Variants in COL4A1 observed in about 807,000 individuals in gnomAD.
COL4A1 encodes collagen alpha-1(IV) chain.
In COL4A1, 40 loss-of-function variants were observed where a neutral mutation model predicts 216.6. The ratio of observed to expected loss-of-function variants is 0.18; its 90% CI spans 0.14 to 0.24. The LOEUF (loss-of-function observed/expected upper bound fraction) is 0.24. Ranked by LOEUF, COL4A1 falls within the 10% of genes least tolerant of loss-of-function variation. The pLI, the probability that COL4A1 is intolerant of heterozygous loss-of-function variation, is 1.00. For synonymous variants in COL4A1, 839 were observed against 810.7 expected (o/e 1.03, Z -0.59); for missense variants, 1,628 against 2,196.8 (o/e 0.74, Z 5.18).
chr13:110,151,687 T>C (rs1299528777), intron 51 of COL4A1, among the ~76,000 whole-genome samples: 1 of 152,200 alleles, frequency 6.6e-6, no homozygotes, highest in Non-Finnish European at 1.5e-5. Context: ...CCTCCTGCAT[T>C]GGCTCCAGCG....
chr13:110,239,675 G>C (rs7995873), intron 2 of COL4A1, among the ~76,000 whole-genome samples: 2 of 151,998 alleles, frequency 1.3e-5, no homozygotes, highest in Admixed American at 6.6e-5. Context: ...ACACTAGGTC[G>C]GCATTTCTAG....
intron 2 of COL4A1, among the ~76,000 whole-genome samples, chr13:110,240,659 G>T (rs1230647672): frequency 6.6e-6 from 1 of 152,250 alleles, no homozygotes; most frequent in African/African-American, 2.4e-5. Flanking sequence ...CAGGCCAGGT[G>T]CTGGACACCG....
chr13:110,211,629 A>T lies in COL4A1; in HGVS notation c.468+18T>A, dbSNP rs930818500. The stretch of plus-strand genomic sequence containing the variant: ...TCCCTGTAATGAATCCAATAAAGCA[A>T]AATAAAATAAAATGTACCTTCATCC... On this transcript the variant is annotated intron_variant, in intron 8 of 51. Coordinates refer to ENST00000375820, the MANE Select transcript of COL4A1 (RefSeq NM_001845.6). This position sits in a 1 kb window ranked among gnomAD's most constrained non-coding sequence, Gnocchi z 4.3. The T allele has an allele frequency of 3.3e-6, 5 of 1,535,136 alleles. No homozygotes were observed. In the African/African-American group the frequency reaches 6.8e-5, roughly 21 times the overall value.
chr13:110,150,398 C>T lies in COL4A1; in HGVS notation c.4975G>A (p.Val1659Ile), dbSNP rs752575604. Reference protein sequence around the residue: ...TLKAGELRTHVSRCQVCMRRT With the variant: ...TLKAGELRTHISRCQVCMRRT ...CTCATACAGACTTGGCAGCGGCTGA[C>T]GTGCGTGCGCAGCTCCCCTGCCTTC... Residue 1659 changes from valine (V) to isoleucine (I), a missense_variant, in exon 52 of 52, where the codon GTC becomes ATC. Physicochemically the swap from Val to Ile is conservative, Grantham distance 29 (BLOSUM62 3). Around this residue, in one of 8 missense-constraint regions of COL4A1, gnomAD observed 254 missense variants for 300.1 expected, o/e 0.85. Coordinates refer to ENST00000375820, the MANE Select transcript of COL4A1 (RefSeq NM_001845.6). The T allele has an allele frequency of 1.2e-5, 20 of 1,613,876 alleles. No homozygotes were observed. The highest frequency in any genetic ancestry group is 2.2e-5 in the East Asian group (1 of 44,898).
intron 2 of COL4A1, among the ~76,000 whole-genome samples, chr13:110,225,785 C>A (rs1269347296): frequency 6.6e-6 from 1 of 152,166 alleles, no homozygotes; most frequent in Non-Finnish European, 1.5e-5. Context: ...TCAGTCACTG[C>A]ATGGATGGGC....
rs1370278207 is a variant in COL4A1 at position 110,170,786 on chromosome 13, T to A, written c.3557-54A>T. 5 of 1,592,450 alleles carry A rather than the reference T, an allele frequency of 3.1e-6. No individual in the cohort carries two copies. The East Asian group carries it at 8.9e-5, about 28-fold the overall frequency. ...GGGAAACGCAGCAGCAGAACAGTAA[T>A]CTCCAGCGTGGACGGCAGAGATGGG... On this transcript the variant is annotated intron_variant, in intron 41 of 51. Coordinates refer to ENST00000375820, the MANE Select transcript of COL4A1 (RefSeq NM_001845.6).
intron 2 of COL4A1, among the ~76,000 whole-genome samples, chr13:110,219,690 G>GTATGTATATGTA (rs1555307883): frequency 7.4e-6 from 1 of 135,090 alleles, no homozygotes; most frequent in Non-Finnish European, 1.5e-5. Flanking sequence ...GTATATATAT[G>GTATGTATATGTA]TATATATATG....
chr13:110,198,369 T>C (rs1018499133), intron 21 of COL4A1, 98 bp downstream of exon 21: 4 of 1,336,672 alleles, frequency 3.0e-6, no homozygotes, highest in Non-Finnish European at 4.3e-6. Flanking sequence ...TCTATTACAC[T>C]CTGGCTGTGG....
At chr13:110,236,812 G>A (rs1382024625) in intron 2 of COL4A1, among the ~76,000 whole-genome samples, 1 of 152,182 alleles carries the variant, frequency 6.6e-6, no homozygotes, top group Non-Finnish European at 1.5e-5. Context: ...CCCTTAGAGA[G>A]GTTTTATTCC....
At chr13:110,248,666 G>C (rs1438059184) in intron 1 of COL4A1, among the ~76,000 whole-genome samples, 1 of 152,106 alleles carries the variant, frequency 6.6e-6, no homozygotes, top group Non-Finnish European at 1.5e-5. Flanking sequence ...TAATTTTTTT[G>C]TATTTTTAGT....
rs199775408 is a variant in COL4A1, at chr13:110,176,822, C to T, written c.2869+63G>A. 43 of 1,613,770 alleles carry T rather than the reference C, an allele frequency of 2.7e-5. No individual in the cohort carries two copies. The highest frequency in any genetic ancestry group is 3.4e-5 in the Non-Finnish European group (40 of 1,180,032). ...GTTTGGTTATTATTTATGGAGGACCCGATAACCCAGGAAAGGCACATTGTG... is the reference window on the plus strand; with the variant it reads ...GTTTGGTTATTATTTATGGAGGACCTGATAACCCAGGAAAGGCACATTGTG... On this transcript the variant is annotated intron_variant, in intron 34 of 51. Coordinates refer to ENST00000375820, the MANE Select transcript of COL4A1 (RefSeq NM_001845.6).
chr13:110,175,291 T>C lies in COL4A1; in HGVS notation c.3125A>G (p.Asp1042Gly). The C allele has an allele frequency of 6.2e-7, 1 of 1,614,202 alleles. No individual in the cohort carries two copies. Among genetic ancestry groups the C allele is most frequent in the Non-Finnish European group, 8.5e-7 (1 of 1,180,046 alleles). The change falls in exon 37 of 52, where the codon GAC (aspartate) becomes GGC (glycine). Residue 1042 changes from aspartate to glycine, a missense_variant. By Grantham distance (94) the Asp-to-Gly change is moderately conservative (BLOSUM62 -1). Around this residue, in one of 8 missense-constraint regions of COL4A1, gnomAD observed 58 missense variants for 132.5 expected, o/e 0.44. Transcript: ENST00000375820. The stretch of plus-strand genomic sequence containing the variant: ...CCCTTTCTCTCCTTTTGCACCTTTG[T>C]CTCCAGGTAAGCCAGGTGAACCTTG... ...GPQGSPGLPG[D>G]KGAKGEKGQA...
chr13:110,297,169 T>A (rs1009825733), intron 1 of COL4A1, among the ~76,000 whole-genome samples: 3 of 152,194 alleles, frequency 2.0e-5, no homozygotes, highest in African/African-American at 7.2e-5. Context: ...GCTGAATCCA[T>A]CCTTTAGCCT....
chr13:110,222,676 G>A (rs1430705631), intron 2 of COL4A1, among the ~76,000 whole-genome samples: 7 of 143,328 alleles, frequency 4.9e-5, no homozygotes, highest in Non-Finnish European at 1.1e-4. Flanking sequence ...GGGAGGCTGA[G>A]GCAAGAGAAT....
rs7990499 is a variant in COL4A1, at chr13:110,164,560, G to A, written c.4150+302C>T. Among the ~76,000 whole-genome samples, 34,084 of 152,060 alleles carry A rather than the reference G, an allele frequency of 0.22. 4,058 individuals carry two copies. Among genetic ancestry groups the A allele is most frequent in the East Asian group, 0.38 (1,966 of 5,160 alleles). On this transcript the variant is annotated intron_variant, in intron 46 of 51. Coordinates refer to ENST00000375820, the MANE Select transcript of COL4A1 (RefSeq NM_001845.6). ...GCTACATGCCACCCCCATCTGGAGC[G>A]GGAGGCAGGAGGGGGAAAGGTAATG... is the stretch of plus-strand genomic sequence containing the variant.
Position 110,176,605 on chromosome 13 carries a change from G to A in COL4A1, c.2968+21C>T, listed in dbSNP as rs548369370. 9.3e-6 allele frequency: 15 copies of A among 1,608,648 alleles called. No homozygotes were observed. The African/African-American group carries it at 1.7e-4, about 19-fold the overall frequency. ...CATCCTGAGCCCTTGCCACACTGGG[G>A]ACCGGAGCTCCACACTGTACCTGGC... On this transcript the variant is annotated intron_variant, in intron 35 of 51. Coordinates refer to ENST00000375820, the MANE Select transcript of COL4A1 (RefSeq NM_001845.6).
chr13:110,249,199 G>A (rs1881970084), intron 1 of COL4A1, among the ~76,000 whole-genome samples: 1 of 152,240 alleles, frequency 6.6e-6, no homozygotes, highest in African/African-American at 2.4e-5. Flanking sequence ...TGTGGCAAAG[G>A]TAGGGACAAG....
chr13:110,269,261 A>C (rs1036902565), intron 1 of COL4A1, among the ~76,000 whole-genome samples: 1 of 152,204 alleles, frequency 6.6e-6, no homozygotes, highest in African/African-American at 2.4e-5. Flanking sequence ...ATGTTAAAAC[A>C]CCCTTGTTTA....
chr13:110,181,564 G>A (rs1215067978), intron 28 of COL4A1, among the ~76,000 whole-genome samples, 175 bp from the exon 29 acceptor site: 1 of 152,170 alleles, frequency 6.6e-6, no homozygotes, highest in African/African-American at 2.4e-5. Flanking sequence ...CCCGGCAGAG[G>A]GGTCAGGTGC....
Sources: gnomAD v4.1 joint callset for allele counts (sites outside exome capture counted in the v4.1 genomes callset) on GRCh38, gnomAD v4.1.1 for gene constraint, gnomAD v4.1.1 regional missense constraint, Gnocchi (gnomAD v3.1) non-coding constraint, MANE v1.5 for transcripts, NCBI Gene and HGNC (gene_info 2026-07-23, HGNC 2026-07-21) for gene names.